GFRA3: variants seen among roughly 807,000 people sequenced by gnomAD.
The protein encoded by GFRA3 is GDNF family receptor alpha-3.
Under a neutral mutation model 40.0 loss-of-function variants are expected in GFRA3, and 24 were observed. The observed-to-expected ratio is 0.60, with a 90% confidence interval of 0.43 to 0.84. GFRA3 has a LOEUF of 0.84. Ranked by LOEUF, GFRA3 falls within the 40% of genes least tolerant of loss-of-function variation. The probability of loss-of-function intolerance (pLI) is 0.00; values close to 1 mark genes in which losing one functional copy is unlikely to be tolerated. For missense variants in GFRA3, 405 were observed against 530.6 expected, an observed-to-expected ratio of 0.76 and a Z score of 2.33; for synonymous variants, 203 against 213.5, an observed-to-expected ratio of 0.95 and a Z score of 0.43.
rs1755922849 is a variant in GFRA3 at position 138,274,489 on chromosome 5, C to A, written c.-65G>T. 8 of 1,244,278 alleles carry A rather than the reference C, an allele frequency of 6.4e-6. No individual in the cohort carries two copies. In the East Asian group the frequency reaches 1.6e-4, roughly 25 times the overall value. 77.1% of individuals were successfully genotyped at this position (1,244,278 alleles called of 1,614,324 possible). A position where few individuals can be genotyped will look rare whatever the true frequency, so the allele number is the denominator to read the frequency against. ...CTCCCCTGGAGCTCTGAGAGCGGGG[C>A]TCCCTCGACCGGCACCTCCCGCCCC... On this transcript the variant is annotated 5_prime_UTR_variant, in exon 1 of 8. Coordinates refer to ENST00000274721, the MANE Select transcript of GFRA3 (RefSeq NM_001496.4).
At chr5:138,263,846 G>A (rs1755744083) in intron 2 of GFRA3, among the ~76,000 whole-genome samples, 1 of 152,162 alleles carries the variant, frequency 6.6e-6, no homozygotes, top group Non-Finnish European at 1.5e-5. Context: ...ACATCTCCTG[G>A]CTGGTTAATG....
At chr5:138,267,894 C>T (rs1253365705) in intron 1 of GFRA3, 1 of 152,190 alleles carries the variant, frequency 6.6e-6, no homozygotes, top group East Asian at 1.9e-4. Flanking sequence ...GGGGAAAGAA[C>T]AGCCTTTTCA....
chr5:138,274,487 G>A lies in GFRA3; in HGVS notation c.-63C>T. On this transcript the variant is annotated 5_prime_UTR_variant, in exon 1 of 8. Coordinates refer to ENST00000274721, the MANE Select transcript of GFRA3 (RefSeq NM_001496.4). Reference sequence around the variant, plus strand: ...TCCTCCCCTGGAGCTCTGAGAGCGGGGCTCCCTCGACCGGCACCTCCCGCC... The same window carrying A: ...TCCTCCCCTGGAGCTCTGAGAGCGGAGCTCCCTCGACCGGCACCTCCCGCC... 10 of 1,246,010 alleles carry A rather than the reference G, an allele frequency of 8.0e-6. No individual in the cohort carries two copies. The highest frequency in any genetic ancestry group is 1.0e-5 in the Non-Finnish European group (10 of 994,160). 77.2% of individuals were successfully genotyped at this position (1,246,010 alleles called of 1,614,324 possible). A position where few individuals can be genotyped will look rare whatever the true frequency, so the allele number is the denominator to read the frequency against.
At chr5:138,268,478 A>G (rs1755820696) in intron 1 of GFRA3, among the ~76,000 whole-genome samples, 2 of 151,880 alleles carry the variant, frequency 1.3e-5, no homozygotes, top group African/African-American at 4.8e-5. Context: ...CAGCAAAAGG[A>G]ACAGTCAGCA....
chr5:138,259,158 T>C (rs1011904053), intron 3 of GFRA3, among the ~76,000 whole-genome samples: 2 of 152,188 alleles, frequency 1.3e-5, no homozygotes, highest in African/African-American at 2.4e-5. Flanking sequence ...CCCATCCCAT[T>C]AGAATGGTTG....
In GFRA3 at chr5:138,257,659, G is replaced by A. The variant is rs748840705; in HGVS notation, c.765C>T (p.Cys255=). 1.9e-6 allele frequency: 3 copies of A among 1,609,976 alleles called. No homozygotes were observed. Among genetic ancestry groups the A allele is most frequent in the Non-Finnish European group, 2.5e-6 (3 of 1,179,134 alleles). ...CACACCTGCAAAGCGGGTCGGAGAA[G>A]CAGAGGCGCCGCAGCTCCAGGCAGT... The part of the protein sequence containing the change: ...APNCLELRRL[C]FSDPLCRSRL... Residue 255 remains cysteine (C), a synonymous_variant, in exon 4 of 8, where the codon TGC becomes TGT. Coordinates refer to ENST00000274721, the MANE Select transcript of GFRA3 (RefSeq NM_001496.4).
intron 2 of GFRA3, among the ~76,000 whole-genome samples, chr5:138,260,311 C>G (rs930949199): frequency 1.3e-5 from 2 of 152,206 alleles, no homozygotes; most frequent in Admixed American, 1.3e-4. Context: ...CCTCTACCAG[C>G]CTGGATCTTC....
Position 138,257,907 on chromosome 5 carries a change from C to A in GFRA3, c.517G>T (p.Asp173Tyr). The A allele has an allele frequency of 6.2e-7, 1 of 1,614,112 alleles. No individual in the cohort carries two copies. The highest frequency in any genetic ancestry group is 8.5e-7 in the Non-Finnish European group (1 of 1,179,996). The change falls in exon 4 of 8, where the codon GAC (aspartate) becomes TAC (tyrosine). Residue 173 changes from aspartate to tyrosine, a missense_variant. Asp to Tyr is a radical substitution (Grantham distance 160). Coordinates refer to ENST00000274721, the MANE Select transcript of GFRA3 (RefSeq NM_001496.4). ...GCCTTGCGCAGCCGGTCACACTTGTCATTGAGAGTACACAGCATGGCAAAC... is the reference window on the plus strand; with the variant it reads ...GCCTTGCGCAGCCGGTCACACTTGTAATTGAGAGTACACAGCATGGCAAAC... ...LKFAMLCTLN[D>Y]KCDRLRKAYG...
At chr5:138,257,547 G>T in intron 4 of GFRA3, 92 bp downstream of exon 4, 1 of 1,094,064 alleles carries the variant, frequency 9.1e-7, no homozygotes, top group Non-Finnish European at 1.3e-6. Context: ...CGGTTCCCTG[G>T]GAGGGTCAGA....
intron 4 of GFRA3, among the ~76,000 whole-genome samples, chr5:138,256,534 A>AG (rs1354444466): frequency 4.0e-5 from 6 of 150,278 alleles, no homozygotes; most frequent in Non-Finnish European, 8.9e-5. Flanking sequence ...TCTCAAAAAA[A>AG]ACAAACAAAA....
intron 2 of GFRA3, among the ~76,000 whole-genome samples, chr5:138,262,191 G>A (rs1274854153): frequency 6.6e-6 from 1 of 152,136 alleles, no homozygotes; most frequent in East Asian, 1.9e-4. Flanking sequence ...CTGAGAATGC[G>A]GCTCAGTCCT....
In GFRA3 at chr5:138,262,153, C is replaced by T. The variant is rs1319804806; in HGVS notation, c.379+2108G>A. Among the ~76,000 whole-genome samples, 4 of 152,258 alleles carry T rather than the reference C, an allele frequency of 2.6e-5. No individual in the cohort carries two copies. The East Asian group carries it at 7.7e-4, about 29-fold the overall frequency. ...CTGTGACTATTTGAGACTTAAAATG[C>T]CCCAACATTTCTCAGGCAGGAAGCA... On this transcript the variant is annotated intron_variant, in intron 2 of 7. Transcript: ENST00000274721.
intron 2 of GFRA3, among the ~76,000 whole-genome samples, chr5:138,262,240 G>C (rs1259549470): frequency 6.6e-6 from 1 of 152,086 alleles, no homozygotes; most frequent in Non-Finnish European, 1.5e-5. Context: ...TTCAAATGTG[G>C]CCAAAGAGAA....
chr5:138,258,934 A>AT (rs2126613779), intron 3 of GFRA3, among the ~76,000 whole-genome samples: 1 of 152,340 alleles, frequency 6.6e-6, no homozygotes, highest in Admixed American at 6.5e-5. Flanking sequence ...TTTTTCATGC[A>AT]TGAAACTCTA....
Position 138,253,290 on chromosome 5 carries a change from G to C in GFRA3, c.1110C>G (p.His370Gln), listed in dbSNP as rs1488697107. 1 of 1,580,646 alleles carries C rather than the reference G, an allele frequency of 6.3e-7. No individual in the cohort carries two copies. The highest frequency in any genetic ancestry group is 8.6e-7 in the Non-Finnish European group (1 of 1,157,664). The change falls in exon 7 of 8, where the codon CAC becomes CAG. Residue 370 changes from histidine (H) to glutamine (Q), a missense_variant. Transcript: ENST00000274721. ...GGTGTAACAGAGGAGGCCCTACCTG[G>C]TGTGCCATCACAGCAAAGGTAGGGT... is the stretch of plus-strand genomic sequence containing the variant. ...WPHPTFAVMA[H>Q]QNENPAVRPQ...
Position 138,252,851 on chromosome 5 carries a change from C to T in GFRA3, c.*117G>A. The T allele has an allele frequency of 1.6e-6, 1 of 634,546 alleles. No individual in the cohort carries two copies. Among genetic ancestry groups the T allele is most frequent in the Non-Finnish European group, 2.9e-6 (1 of 346,672 alleles). The allele number at this position is 634,546 out of a possible 1,614,324, so 39.3% of individuals were successfully genotyped here. ...CTGGAGGTCATAACCCTTAGCTTCT[C>T]CTGTGCCCTCATCTGCGCACTGCAC... On this transcript the variant is annotated 3_prime_UTR_variant, in exon 8 of 8. Transcript: ENST00000274721.
intron 1 of GFRA3, among the ~76,000 whole-genome samples, chr5:138,271,945 G>GTGTGTGTGT (rs1581515827): frequency 8.1e-6 from 1 of 124,126 alleles, no homozygotes; most frequent in Non-Finnish European, 1.7e-5. Flanking sequence ...GTGTGTGTGT[G>GTGTGTGTGT]GTTTGGTTGT....
rs145404632 is a variant in GFRA3 at position 138,257,862 on chromosome 5, C to T, written c.562G>A (p.Gly188Arg). The T allele has an allele frequency of 2.9e-4, 475 of 1,613,894 alleles. 1 individual carries two copies. The African/African-American group carries it at 3.6e-3, about 12-fold the overall frequency. Residue 188 changes from glycine to arginine, a missense_variant, in exon 4 of 8, where the codon GGG becomes AGG. By Grantham distance (125) the Gly-to-Arg change is moderately radical (BLOSUM62 -2). Transcript: ENST00000274721. ...CAGACGTGGCGCTGGCAGTGGGGCC[C>T]GGAGCACGCCTCCCCGTAGGCCTTG... ...LRKAYGEACS[G>R]PHCQRHVCLR...
At chr5:138,265,668 C>CCTTCTCCTTCT (rs1415040937) in intron 1 of GFRA3, among the ~76,000 whole-genome samples, 2 of 151,830 alleles carry the variant, frequency 1.3e-5, no homozygotes, top group Non-Finnish European at 2.9e-5. Context: ...CTTCTTTCTT[C>CCTTCTCCTTCT]CTTCTCCTTC....
Sources: allele counts gnomAD v4.1 joint callset (sites outside exome capture counted in the v4.1 genomes callset), GRCh38; gene constraint gnomAD v4.1.1; transcripts MANE v1.5; gene names NCBI Gene and HGNC (gene_info 2026-07-23, HGNC 2026-07-21).